SLC43A2: variants seen among roughly 807,000 people sequenced by gnomAD.
SLC43A2 encodes large neutral amino acids transporter small subunit 4.
In SLC43A2, 38 loss-of-function variants were observed where a neutral mutation model predicts 63.2. That is an observed-to-expected ratio of 0.60 (90% CI 0.46 to 0.79). The LOEUF is 0.79. Among genes scored for constraint, SLC43A2 ranks in the 30% least tolerant of loss-of-function variants. SLC43A2 has a pLI of 0.00. For synonymous variants in SLC43A2, 322 were observed against 331.0 expected, an observed-to-expected ratio of 0.97 and a Z score of 0.30; for missense variants, 644 against 756.2, an observed-to-expected ratio of 0.85 and a Z score of 1.74.
chr17:1,612,123 C>T (rs117353511), intron 5 of SLC43A2, among the ~76,000 whole-genome samples: 8,750 of 152,082 alleles, frequency 0.058, 348 homozygotes, highest in Non-Finnish European at 0.084. Flanking sequence ...ACCACCCGCC[C>T]GGCTAATTTT....
intron 11 of SLC43A2, among the ~76,000 whole-genome samples, chr17:1,581,954 G>C (rs951078612): frequency 1.4e-4 from 21 of 151,508 alleles, no homozygotes; most frequent in East Asian, 1.2e-3. Context: ...TTACAGGCAT[G>C]TGCCACCACG....
chr17:1,610,418 A>G (rs555294366), intron 5 of SLC43A2, among the ~76,000 whole-genome samples: 129 of 146,186 alleles, frequency 8.8e-4, no homozygotes, highest in South Asian at 3.1e-3. Flanking sequence ...AACTGCCACC[A>G]TGCCCTGGCT....
intron 9 of SLC43A2, among the ~76,000 whole-genome samples, chr17:1,586,282 G>C (rs1216165194): frequency 1.3e-5 from 2 of 152,158 alleles, no homozygotes; most frequent in African/African-American, 2.4e-5. Flanking sequence ...TTGTTTCTAA[G>C]AAACAGCTAA....
At chr17:1,608,016 A>G (rs891984740) in intron 5 of SLC43A2, among the ~76,000 whole-genome samples, 1 of 152,134 alleles carries the variant, frequency 6.6e-6, no homozygotes, top group African/African-American at 2.4e-5. Flanking sequence ...GTGCCTGGCT[A>G]AGACAGTAGA....
rs2075826365 is a variant in SLC43A2, at chr17:1,570,191, C to T, written c.*5413G>A. 6.6e-6 allele frequency: 1 copy of T among 151,612 alleles called. No homozygotes were observed. The allele number at this position is 151,612 out of a possible 1,614,324, so 9.4% of individuals were successfully genotyped here. On this transcript the variant is annotated 3_prime_UTR_variant, in exon 14 of 14. Transcript: ENST00000301335. ...TACAGGCGTGAGCCACTGCGCCCGG[C>T]CCTAATTTTTGTATTTTTAGTAGAG...
chr17:1,580,104 T>G (rs2075989760), intron 11 of SLC43A2, among the ~76,000 whole-genome samples: 1 of 152,104 alleles, frequency 6.6e-6, no homozygotes, highest in Admixed American at 6.5e-5. Flanking sequence ...TTTTTGTATT[T>G]TTTGTAGAGA....
At chr17:1,599,207 G>C (rs983750693) in intron 5 of SLC43A2, among the ~76,000 whole-genome samples, 1 of 151,968 alleles carries the variant, frequency 6.6e-6, no homozygotes, top group Non-Finnish European at 1.5e-5. Context: ...GGGTGTGGCG[G>C]CGTGCACCTG....
At chr17:1,600,152 A>ATATATATATATATTTTTT (rs1216616243) in intron 5 of SLC43A2, among the ~76,000 whole-genome samples, 1 of 60,272 alleles carries the variant, frequency 1.7e-5, no homozygotes, top group African/African-American at 5.4e-5. Context: ...ATATATATAT[A>ATATATATATATATTTTTT]TTTTTTTTTT....
At chr17:1,608,333 T>C (rs1443805218) in intron 5 of SLC43A2, among the ~76,000 whole-genome samples, 1 of 152,108 alleles carries the variant, frequency 6.6e-6, no homozygotes. Context: ...CCTGTGTAGC[T>C]TTTTGCCTCC....
In SLC43A2 at chr17:1,574,441, A is replaced by G. The variant is rs959322443; in HGVS notation, c.*1163T>C. 2.0e-5 allele frequency: 3 copies of G among 152,702 alleles called. No individual in the cohort carries two copies. Among genetic ancestry groups the G allele is most frequent in the Non-Finnish European group, 2.9e-5 (2 of 68,076 alleles). The allele number at this position is 152,702 out of a possible 1,614,324, so 9.5% of individuals were successfully genotyped here. Reference sequence around the variant, plus strand: ...ATGGATTTATTGCTTTATAAAAAAGAAGTCTAATAAAACTGAAGAGAAAAT... The same window carrying G: ...ATGGATTTATTGCTTTATAAAAAAGGAGTCTAATAAAACTGAAGAGAAAAT... On this transcript the variant is annotated 3_prime_UTR_variant, in exon 14 of 14. Coordinates refer to ENST00000301335, the MANE Select transcript of SLC43A2 (RefSeq NM_152346.3).
chr17:1,590,703 C>T (rs1450056569), intron 9 of SLC43A2, 99 bp downstream of exon 9: 3 of 1,460,768 alleles, frequency 2.1e-6, no homozygotes, highest in Non-Finnish European at 2.8e-6. Flanking sequence ...TTTCCATGGC[C>T]CGGCTGGCCC....
At chr17:1,611,007 A>T (rs1464531199) in intron 5 of SLC43A2, among the ~76,000 whole-genome samples, 1 of 151,716 alleles carries the variant, frequency 6.6e-6, no homozygotes, top group Non-Finnish European at 1.5e-5. Context: ...TGCCCAGCTA[A>T]TTTTTGTATA....
At chr17:1,620,282 C>T (rs1036053211) in intron 2 of SLC43A2, among the ~76,000 whole-genome samples, 6 of 152,136 alleles carry the variant, frequency 3.9e-5, no homozygotes, top group Admixed American at 1.3e-4. Flanking sequence ...GCAGGAGAAT[C>T]GCTTGAACCC....
chr17:1,585,678 G>A (rs1023424960), intron 10 of SLC43A2: 47 of 1,449,914 alleles, frequency 3.2e-5, no homozygotes, highest in African/African-American at 2.4e-4. Context: ...ATGAGTCACC[G>A]CACCTGGCCT....
rs1567635843 is a variant in SLC43A2, at chr17:1,605,187, A to G, written c.501+8008T>C. The G allele has an allele frequency of 8.7e-7, 1 of 1,153,834 alleles. No homozygotes were observed. The highest frequency in any genetic ancestry group is 1.1e-6 in the Non-Finnish European group (1 of 930,288). 71.5% of individuals were successfully genotyped at this position (1,153,834 alleles called of 1,614,324 possible). Reference sequence around the variant, plus strand: ...CCTGTCCTGCCAGCCCGGGCTGTTCACTCACTGCCTCCACGCAGCCTCAGT... The same window carrying G: ...CCTGTCCTGCCAGCCCGGGCTGTTCGCTCACTGCCTCCACGCAGCCTCAGT... On this transcript the variant is annotated intron_variant, in intron 5 of 13. Transcript: ENST00000301335. This position sits in a 1 kb window ranked among gnomAD's most constrained non-coding sequence, Gnocchi z 4.9.
chr17:1,586,130 GC>G lies in SLC43A2; in HGVS notation c.1079-80del, dbSNP rs1387244676. ...GGGACTGGGCACCAGCTGGGAAGGG[GC>G]TGGTCCCCACAGGCTCTTCTGGGGT... On this transcript the variant is annotated intron_variant, in intron 9 of 13. Coordinates refer to ENST00000301335, the MANE Select transcript of SLC43A2 (RefSeq NM_152346.3). The G allele has an allele frequency of 2.0e-6, 3 of 1,491,996 alleles. No individual in the cohort carries two copies. In the African/African-American group the frequency reaches 4.2e-5, roughly 21 times the overall value. The allele number at this position is 1,491,996 out of a possible 1,614,324, so 92.4% of individuals were successfully genotyped here.
chr17:1,591,707 G>C lies in SLC43A2; in HGVS notation c.595-8C>G. The C allele has an allele frequency of 1.8e-6, 1 of 560,788 alleles. No individual in the cohort carries two copies. Among genetic ancestry groups the C allele is most frequent in the Non-Finnish European group, 3.1e-6 (1 of 322,532 alleles). 34.7% of individuals were successfully genotyped at this position (560,788 alleles called of 1,614,324 possible). A position where few individuals can be genotyped will look rare whatever the true frequency, so the allele number is the denominator to read the frequency against. The stretch of plus-strand genomic sequence containing the variant: ...ACCAGCATCATAGATGAGCTGACAG[G>C]CACCGCGGGGACGGGGTGGGGGGGG... On this transcript the variant is annotated splice_region_variant and splice_polypyrimidine_tract_variant and intron_variant, in intron 6 of 13. Transcript: ENST00000301335.
intron 5 of SLC43A2, among the ~76,000 whole-genome samples, chr17:1,595,238 G>A (rs1029107507): frequency 4.0e-5 from 6 of 151,338 alleles, no homozygotes; most frequent in East Asian, 3.9e-4. Context: ...CCGACACTGC[G>A]CCACTGCACT....
chr17:1,581,452 G>A (rs2076012513), intron 11 of SLC43A2, among the ~76,000 whole-genome samples: 1 of 152,174 alleles, frequency 6.6e-6, no homozygotes, highest in South Asian at 2.1e-4. Context: ...ATGTTCCACG[G>A]CCCGCTGCGC....
Sources: gnomAD v4.1 joint callset for allele counts (sites outside exome capture counted in the v4.1 genomes callset) on GRCh38, gnomAD v4.1.1 for gene constraint, Gnocchi (gnomAD v3.1) non-coding constraint, MANE v1.5 for transcripts, NCBI Gene and HGNC (gene_info 2026-07-23, HGNC 2026-07-21) for gene names.